Variants in FGGY observed in about 807,000 individuals in gnomAD.
The protein encoded by FGGY is FGGY carbohydrate kinase domain-containing protein.
A neutral mutation model predicts 71.3 loss-of-function variants in FGGY; 72 were observed. The observed-to-expected ratio is 1.01, with a 90% CI of 0.84 to 1.23. The LOEUF (loss-of-function observed/expected upper bound fraction) is 1.23. FGGY is among the 50% of genes most tolerant of loss of function. The probability of loss-of-function intolerance (pLI) is 0.00; values close to 1 mark genes in which losing one functional copy is unlikely to be tolerated. For missense variants in FGGY, 668 were observed against 682.3 expected, an observed-to-expected ratio of 0.98 and a Z score of 0.23; for synonymous variants, 251 against 250.3, an observed-to-expected ratio of 1.00 and a Z score of -0.02.
intron 4 of FGGY, among the ~76,000 whole-genome samples, chr1:59,366,999 A>G (rs909481194): frequency 1.3e-5 from 2 of 152,240 alleles, no homozygotes; most frequent in Admixed American, 6.5e-5. Context: ...GAAAGTCATC[A>G]TCATAATGAT....
chr1:59,352,495 C>A (rs899326146), intron 4 of FGGY, among the ~76,000 whole-genome samples: 1 of 152,162 alleles, frequency 6.6e-6, no homozygotes, highest in African/African-American at 2.4e-5. Flanking sequence ...AGGAAATATA[C>A]CTGCTGCTTC....
chr1:59,721,390 T>TAG (rs2097894509), intron 14 of FGGY, among the ~76,000 whole-genome samples: 1 of 136,030 alleles, frequency 7.4e-6, no homozygotes, highest in African/African-American at 2.7e-5. Context: ...CTAGGCTGGA[T>TAG]TGCAGTGGCA....
At chr1:59,378,642 T>A in intron 4 of FGGY, 107 bp from the exon 5 acceptor site, 1 of 862,866 alleles carries the variant, frequency 1.2e-6, no homozygotes, top group Non-Finnish European at 1.8e-6. Context: ...GATGTTTCAA[T>A]GGGCATTGTT....
At chr1:59,638,509 ATTG>A in intron 11 of FGGY, 134 bp downstream of exon 11, 1 of 1,003,424 alleles carries the variant, frequency 1.0e-6, no homozygotes, top group African/African-American at 1.6e-5. Context: ...GTGCAGATGC[ATTG>A]CTGTTGCTGC....
At chr1:59,458,132 A>T (rs2091890203) in intron 6 of FGGY, among the ~76,000 whole-genome samples, 1 of 152,254 alleles carries the variant, frequency 6.6e-6, no homozygotes, top group Non-Finnish European at 1.5e-5. Flanking sequence ...TTTCAGCTTC[A>T]GTTACCTAAT....
At chr1:59,618,739 TAGAG>T (rs966152820) in intron 9 of FGGY, among the ~76,000 whole-genome samples, 3 of 151,928 alleles carry the variant, frequency 2.0e-5, no homozygotes, top group Admixed American at 6.6e-5. Flanking sequence ...CTGGGAGACT[TAGAG>T]AGAAAGAGAG....
intron 6 of FGGY, among the ~76,000 whole-genome samples, chr1:59,460,228 C>T (rs749162425): frequency 1.5e-4 from 23 of 152,266 alleles, no homozygotes; most frequent in Admixed American, 5.2e-4. Context: ...TCTTAGCAAA[C>T]GGCACACCAG....
intron 1 of FGGY, among the ~76,000 whole-genome samples, chr1:59,320,834 C>T (rs2046259444): frequency 6.6e-6 from 1 of 152,184 alleles, no homozygotes; most frequent in African/African-American, 2.4e-5. Flanking sequence ...CAGGCTGCCC[C>T]TGAATGAAGC....
rs757642568 is a variant in FGGY at position 59,378,771 on chromosome 1, A to T, written c.488A>T (p.Asp163Val). The T allele has an allele frequency of 2.3e-5, 37 of 1,613,408 alleles. No individual in the cohort carries two copies. Among genetic ancestry groups the T allele is most frequent in the Non-Finnish European group, 3.0e-5 (35 of 1,179,636 alleles). The part of the protein sequence containing the change: ...LKENLREICW[D>V]KAGHFFDLPD... ...CAGAACTTGAGAGAGATTTGCTGGG[A>T]TAAGGCGGGACATTTCTTTGATCTC... The change falls in exon 5 of 16, where the codon GAT becomes GTT. Residue 163 changes from aspartate to valine, a missense_variant. Coordinates refer to ENST00000303721, the MANE Select transcript of FGGY (RefSeq NM_018291.5).
chr1:59,638,473 A>G lies in FGGY; in HGVS notation c.1221+98A>G, dbSNP rs563432570. ...GAGGAAAAAGGAAAAGAAAAAAATA[A>G]AACAGGCCAACAGCCCTCTGGCTTT... On this transcript the variant is annotated intron_variant, in intron 11 of 15. Coordinates refer to ENST00000303721, the MANE Select transcript of FGGY (RefSeq NM_018291.5). 42 of 1,447,006 alleles carry G rather than the reference A, an allele frequency of 2.9e-5. No homozygotes were observed. In the Middle Eastern group the frequency reaches 1.4e-3, roughly 47 times the overall value. 89.6% of individuals were successfully genotyped at this position (1,447,006 alleles called of 1,614,324 possible).
chr1:59,497,834 C>A (rs932392663), intron 6 of FGGY, among the ~76,000 whole-genome samples: 5 of 152,176 alleles, frequency 3.3e-5, no homozygotes, highest in Non-Finnish European at 5.9e-5. Flanking sequence ...ACTCTGTCGG[C>A]GCTGCTATTT....
At chr1:59,665,524 A>T (rs947004398) in intron 12 of FGGY, among the ~76,000 whole-genome samples, 6 of 151,816 alleles carry the variant, frequency 4.0e-5, no homozygotes, top group African/African-American at 1.2e-4. Flanking sequence ...TTCCCAGATC[A>T]CCCTCTGACC....
At chr1:59,739,305 C>G (rs1297648681) in intron 14 of FGGY, among the ~76,000 whole-genome samples, 1 of 152,188 alleles carries the variant, frequency 6.6e-6, no homozygotes, top group Admixed American at 6.5e-5. Context: ...TTTTTAATTG[C>G]TTGGTAGAGA....
chr1:59,482,053 C>G (rs911594329), intron 6 of FGGY, among the ~76,000 whole-genome samples: 1 of 152,176 alleles, frequency 6.6e-6, no homozygotes, highest in African/African-American at 2.4e-5. Flanking sequence ...ATCAACCCAG[C>G]TATGCAAGTA....
intron 10 of FGGY, among the ~76,000 whole-genome samples, chr1:59,636,541 T>C (rs2096961598): frequency 6.6e-6 from 1 of 152,108 alleles, no homozygotes; most frequent in African/African-American, 2.4e-5. Flanking sequence ...GAGAATGGCG[T>C]GAACCCGGGA....
intron 6 of FGGY, among the ~76,000 whole-genome samples, chr1:59,461,012 C>G (rs2092153860): frequency 6.6e-6 from 1 of 152,178 alleles, no homozygotes; most frequent in African/African-American, 2.4e-5. Flanking sequence ...CACCTCTTCT[C>G]CTCCAAAGGA....
chr1:59,335,374 A>C (rs1318779760), intron 2 of FGGY, among the ~76,000 whole-genome samples: 1 of 152,170 alleles, frequency 6.6e-6, no homozygotes, highest in Non-Finnish European at 1.5e-5. Flanking sequence ...ATGTTGTTAC[A>C]TATATCAGTA....
At position 59,761,731 on chromosome 1, in the gene FGGY, G is replaced by A. The variant is rs12024299; in HGVS notation, c.1575-772G>A. On this transcript the variant is annotated intron_variant, in intron 15 of 15. Coordinates refer to ENST00000303721, the MANE Select transcript of FGGY (RefSeq NM_018291.5). ...GGCCACTGTGAGATGTCTGGAAGGC[G>A]AGCACAGCTCTAGAAAAGGCATTAG... Among the ~76,000 whole-genome samples, 149 of 152,288 alleles carry A rather than the reference G, an allele frequency of 9.8e-4. 4 individuals are homozygous for A. The East Asian group carries it at 0.022, about 23-fold the overall frequency.
chr1:59,456,795 A>G (rs2091742835), intron 5 of FGGY, among the ~76,000 whole-genome samples, 166 bp from the exon 6 acceptor site: 1 of 152,178 alleles, frequency 6.6e-6, no homozygotes, highest in Non-Finnish European at 1.5e-5. Flanking sequence ...CATAATTAAC[A>G]GGTATCCATG....
Sources: gnomAD v4.1 joint callset for allele counts (sites outside exome capture counted in the v4.1 genomes callset) on GRCh38, gnomAD v4.1.1 for gene constraint, MANE v1.5 for transcripts, NCBI Gene and HGNC (gene_info 2026-07-23, HGNC 2026-07-21) for gene names.